NMRAL1: variants seen among roughly 807,000 people sequenced by gnomAD.
NMRAL1 encodes the protein NmrA like redox sensor 1.
NMRAL1 carries 32 observed loss-of-function variants against 27.5 expected under a neutral mutation model. The observed-to-expected ratio is 1.16, with a 90% CI of 0.88 to 1.56. The LOEUF (loss-of-function observed/expected upper bound fraction) is 1.56. Among genes scored for constraint, NMRAL1 ranks in the 40% most tolerant of loss-of-function variants. NMRAL1 has a pLI of 0.00. For synonymous variants in NMRAL1, 166 were observed against 166.8 expected (o/e 1.00, Z 0.04); for missense variants, 420 against 392.0 (o/e 1.07, Z -0.60).
In NMRAL1 at chr16:4,470,640, C is replaced by T. The variant is rs1009178520; in HGVS notation, c.41-1175G>A. Among the ~76,000 whole-genome samples the T allele has an allele frequency of 4.6e-5, 7 of 151,594 alleles. No homozygotes were observed. The East Asian group carries it at 1.4e-3, about 29-fold the overall frequency. ...CAGCCTAGCCAAGATGGTGAAACCC[C>T]GTCTCTACTAAAAATAAAAAAATGA... On this transcript the variant is annotated intron_variant, in intron 2 of 5. Coordinates refer to ENST00000283429, the MANE Select transcript of NMRAL1 (RefSeq NM_020677.6).
rs1351999050 is a variant in NMRAL1, at chr16:4,474,534, C to T, written c.-35+20G>A. The T allele has an allele frequency of 5.9e-6, 1 of 168,088 alleles. No individual in the cohort carries two copies. The highest frequency in any genetic ancestry group is 1.3e-5 in the Non-Finnish European group (1 of 77,824). 10.4% of individuals were successfully genotyped at this position (168,088 alleles called of 1,614,324 possible). ...GCTGCGCGCTAGGCGCCAACTCCCT[C>T]CCCGCAGCTCCGGCCCCACCTGGCA... On this transcript the variant is annotated intron_variant, in intron 1 of 5. Transcript: ENST00000283429.
In NMRAL1 at chr16:4,464,913, G is replaced by A. The variant is rs1419924455; in HGVS notation, c.530-1063C>T. On this transcript the variant is annotated intron_variant, in intron 4 of 5. Transcript: ENST00000283429. Reference sequence around the variant, plus strand: ...TTACAGGCGTAAGCCACCGTGCCCGGCCTTTTTTTTTTGAGACGGGGTCTT... The same window carrying A: ...TTACAGGCGTAAGCCACCGTGCCCGACCTTTTTTTTTTGAGACGGGGTCTT... Among the ~76,000 whole-genome samples, 3 of 145,552 alleles carry A rather than the reference G, an allele frequency of 2.1e-5. No individual in the cohort carries two copies. In the East Asian group the frequency reaches 6.2e-4, roughly 30 times the overall value.
intron 4 of NMRAL1, 124 bp downstream of exon 4, chr16:4,466,029 G>C: frequency 1.7e-6 from 2 of 1,159,632 alleles, no homozygotes; most frequent in Admixed American, 3.8e-5. Flanking sequence ...GCTCAGTCCT[G>C]GGCCTAACGT....
Position 4,466,227 on chromosome 16 carries a change from A to G in NMRAL1, c.455T>C (p.Leu152Pro). Reference sequence around the variant, plus strand: ...GAGGAGGTTCTCAAAATAGCAGGGCAGCCGCACACTGGTCATGGGAACGCC... The same window carrying G: ...GAGGAGGTTCTCAAAATAGCAGGGCGGCCGCACACTGGTCATGGGAACGCC... ...DIGVPMTSVR[L>P]PCYFENLLSH... Residue 152 changes from leucine (L) to proline (P), a missense_variant, in exon 4 of 6, where the codon CTG becomes CCG. Transcript: ENST00000283429. The G allele has an allele frequency of 6.2e-7, 1 of 1,614,194 alleles. No individual in the cohort carries two copies. Among genetic ancestry groups the G allele is most frequent in the South Asian group, 1.1e-5 (1 of 91,086 alleles).
At chr16:4,462,794 A>T (rs1415174630) in intron 5 of NMRAL1, among the ~76,000 whole-genome samples, 1 of 151,440 alleles carries the variant, frequency 6.6e-6, no homozygotes, top group East Asian at 1.9e-4. Flanking sequence ...AAGTGCTAGG[A>T]TTACAGGTGT....
At chr16:4,474,318 C>T (rs2057737401) in intron 1 of NMRAL1, 152 bp from the exon 2 acceptor site, 8 of 583,230 alleles carry the variant, frequency 1.4e-5, no homozygotes, top group African/African-American at 3.8e-5. Flanking sequence ...ATATCGGGGT[C>T]CCGCGACCCA....
intron 2 of NMRAL1, among the ~76,000 whole-genome samples, chr16:4,472,862 G>A (rs1167651940): frequency 2.0e-5 from 3 of 151,780 alleles, no homozygotes; most frequent in Non-Finnish European, 4.4e-5. Context: ...TTATTCATAT[G>A]AAATGTCCCG....
At chr16:4,473,431 T>A (rs1412964886) in intron 2 of NMRAL1, among the ~76,000 whole-genome samples, 1 of 152,058 alleles carries the variant, frequency 6.6e-6, no homozygotes, top group East Asian at 1.9e-4. Context: ...ATATTAAATA[T>A]GTATAAATAA....
At chr16:4,475,361 G>A (rs1443548683), upstream of NMRAL1, among the ~76,000 whole-genome samples, 4 of 141,828 alleles carry the variant, frequency 2.8e-5, no homozygotes, top group Non-Finnish European at 4.4e-5. Context: ...CTGGAGTGCA[G>A]TGGTGGTGCG....
At chr16:4,474,238 CA>C in intron 1 of NMRAL1, 72 bp from the exon 2 acceptor site, 1 of 1,118,350 alleles carries the variant, frequency 8.9e-7, no homozygotes, top group Non-Finnish European at 1.3e-6. Context: ...AGGACACCCC[CA>C]TTGTCTATGC....
Position 4,471,904 on chromosome 16 carries a change from G to A in NMRAL1, c.40+2189C>T, listed in dbSNP as rs145718379. On this transcript the variant is annotated intron_variant, in intron 2 of 5. Coordinates refer to ENST00000283429, the MANE Select transcript of NMRAL1 (RefSeq NM_020677.6). ...AGCCTAGGCAGCAGGGTGAGACCCA[G>A]TCTCTACAAAAAATTAAAAAATCAG... is the stretch of plus-strand genomic sequence containing the variant. Among the ~76,000 whole-genome samples the A allele has an allele frequency of 3.4e-4, 51 of 152,074 alleles. 2 individuals are homozygous for A. In the East Asian group the frequency reaches 9.5e-3, roughly 28 times the overall value.
chr16:4,474,332 C>G, intron 1 of NMRAL1, 166 bp from the exon 2 acceptor site: 1 of 571,800 alleles, frequency 1.7e-6, no homozygotes, highest in East Asian at 3.1e-5. Context: ...CGACCCACCT[C>G]GTGTCCCTTG....
At position 4,463,649 on chromosome 16, in the gene NMRAL1, G is replaced by A. The variant is rs771753307; in HGVS notation, c.720+11C>T. 10 of 1,611,938 alleles carry A rather than the reference G, an allele frequency of 6.2e-6. No individual in the cohort carries two copies. The highest frequency in any genetic ancestry group is 4.5e-5 in the East Asian group (2 of 44,874). On this transcript the variant is annotated intron_variant, in intron 5 of 5. Coordinates refer to ENST00000283429, the MANE Select transcript of NMRAL1 (RefSeq NM_020677.6). ...CAAGGATGCCTGAGTCACCTGGGGC[G>A]GGAGGCCCACCTTGGCATCGTGCAC...
chr16:4,465,700 G>T (rs373597874), intron 4 of NMRAL1, among the ~76,000 whole-genome samples: 27 of 152,222 alleles, frequency 1.8e-4, no homozygotes, highest in African/African-American at 6.3e-4. Flanking sequence ...CCTAGTAGCT[G>T]CCAGTACAGG....
intron 3 of NMRAL1, among the ~76,000 whole-genome samples, chr16:4,468,171 G>A (rs558932086): frequency 5.3e-5 from 8 of 152,016 alleles, no homozygotes; most frequent in East Asian, 3.9e-4. Flanking sequence ...GCATGGTGAC[G>A]CATGCATGTA....
chr16:4,473,705 C>T (rs1191559326), intron 2 of NMRAL1, among the ~76,000 whole-genome samples: 1 of 151,900 alleles, frequency 6.6e-6, no homozygotes, highest in Admixed American at 6.6e-5. Context: ...GGCGGGTCAT[C>T]ACCTGAGGTC....
In NMRAL1 at chr16:4,467,530, G is replaced by A. The variant is rs541666416; in HGVS notation, c.280-1128C>T. 4.6e-5 allele frequency among the ~76,000 whole-genome samples: 7 copies of A among 151,518 alleles called. No homozygotes were observed. The South Asian group carries it at 1.5e-3, about 32-fold the overall frequency. ...ATTACAAGCATAAACTACCACGCCT[G>A]GCCTCCAAGACTCTGGAGAGAGGGT... On this transcript the variant is annotated intron_variant, in intron 3 of 5. Transcript: ENST00000283429.
intron 5 of NMRAL1, among the ~76,000 whole-genome samples, chr16:4,462,312 CTT>C (rs1352734670): frequency 1.3e-5 from 2 of 151,990 alleles, no homozygotes; most frequent in Non-Finnish European, 2.9e-5. Context: ...AACCCCGTCT[CTT>C]TCAAAAATAC....
intron 4 of NMRAL1, among the ~76,000 whole-genome samples, chr16:4,465,871 T>C (rs542601222): frequency 6.6e-6 from 1 of 152,276 alleles, no homozygotes; most frequent in East Asian, 1.9e-4. Flanking sequence ...GAACTGACAA[T>C]CACTAGGTCC....
Sources: allele counts gnomAD v4.1 joint callset (sites outside exome capture counted in the v4.1 genomes callset), GRCh38; gene constraint gnomAD v4.1.1; transcripts MANE v1.5; gene names NCBI Gene and HGNC (gene_info 2026-07-23, HGNC 2026-07-21).